Variants in DNAH12 observed in about 807,000 individuals in gnomAD.
DNAH12 encodes the protein dynein axonemal heavy chain 12, also known as axonemal beta dynein heavy chain 12.
In DNAH12, 285 loss-of-function variants were observed where a neutral mutation model predicts 371.5. The observed-to-expected ratio is 0.77, with a 90% CI of 0.70 to 0.85. DNAH12 has a LOEUF of 0.85. Among genes scored for constraint, DNAH12 ranks in the 40% least tolerant of loss-of-function variants. The probability of loss-of-function intolerance (pLI) is 0.00; values close to 1 mark genes in which losing one functional copy is unlikely to be tolerated. For missense variants in DNAH12, 3,611 were observed against 3,689.4 expected (o/e 0.98, Z 0.55); for synonymous variants, 1,200 against 1,213.0 (o/e 0.99, Z 0.22).
chr3:57,316,795 T>C (rs2153280660), intron 65 of DNAH12, among the ~76,000 whole-genome samples: 1 of 152,318 alleles, frequency 6.6e-6, no homozygotes, highest in East Asian at 1.9e-4. Context: ...TGCTGCCTTG[T>C]GAAGAAGGTG....
chr3:57,506,756 T>C (rs2067774734), intron 8 of DNAH12, among the ~76,000 whole-genome samples: 1 of 152,120 alleles, frequency 6.6e-6, no homozygotes, highest in African/African-American at 2.4e-5. Context: ...GGTGATTTTC[T>C]TTCCTGGAGA....
intron 2 of DNAH12, among the ~76,000 whole-genome samples, chr3:57,524,331 T>C (rs1293098226): frequency 6.6e-6 from 1 of 152,158 alleles, no homozygotes; most frequent in Non-Finnish European, 1.5e-5. Context: ...ACTGTTTTAT[T>C]CACTGTGGTT....
chr3:57,340,850 C>A (rs1553655831), intron 60 of DNAH12, among the ~76,000 whole-genome samples: 1 of 152,064 alleles, frequency 6.6e-6, no homozygotes, highest in East Asian at 1.9e-4. Flanking sequence ...AAAAACACAA[C>A]ATAAAAAAAC....
At chr3:57,555,724 G>C in the DNAH12 span, among the ~76,000 whole-genome samples, 3 of 152,240 alleles carry the variant, frequency 2.0e-5, no homozygotes, top group Admixed American at 1.3e-4. Flanking sequence ...TTCTCGCATA[G>C]TCTGCGCTCA....
intron 62 of DNAH12, among the ~76,000 whole-genome samples, chr3:57,327,231 G>T (rs373552440): frequency 3.3e-5 from 5 of 151,970 alleles, no homozygotes; most frequent in Middle Eastern, 3.2e-3. Context: ...TACAGAACTC[G>T]CCACCCCAAA....
chr3:57,542,734 G>C lies in DNAH12; in HGVS notation c.137C>G (p.Ser46Cys). Reference sequence around the variant, plus strand: ...ATTAATTTTCTGCTGCTGCTCCTTGGATCTTCTGTATTTTAGCAGCTTACT... The same window carrying C: ...ATTAATTTTCTGCTGCTGCTCCTTGCATCTTCTGTATTTTAGCAGCTTACT... ...TQSKLLKYRR[S>C]KEQQQKINQL... Residue 46 changes from serine (S) to cysteine (C), a missense_variant, in exon 2 of 74, where the codon TCC (serine) becomes TGC (cysteine). This residue lies in a region of DNAH12 where 1,314 missense variants were observed against 1,398.7 expected (regional missense o/e 0.94). Transcript: ENST00000495027. The C allele has an allele frequency of 2.5e-6, 4 of 1,605,964 alleles. No homozygotes were observed. Among genetic ancestry groups the C allele is most frequent in the Non-Finnish European group, 3.4e-6 (4 of 1,176,298 alleles).
At chr3:57,424,118 T>C (rs990149901) in intron 35 of DNAH12, among the ~76,000 whole-genome samples, 2 of 152,172 alleles carry the variant, frequency 1.3e-5, no homozygotes, top group South Asian at 2.1e-4. Context: ...ATTCACCTAA[T>C]GTCCAAATTT....
chr3:57,309,962 G>C (rs2061553880), intron 67 of DNAH12, 108 bp from the exon 68 acceptor site: 2 of 875,984 alleles, frequency 2.3e-6, no homozygotes, highest in African/African-American at 1.7e-5. Context: ...GGTTATGTGA[G>C]TTGAAGCCAA....
intron 2 of DNAH12, among the ~76,000 whole-genome samples, chr3:57,537,304 G>C (rs369871139): frequency 1.1e-4 from 16 of 152,226 alleles, no homozygotes; most frequent in East Asian, 5.8e-4. Context: ...GACTGGGTGA[G>C]AAACCACATG....
Position 57,507,731 on chromosome 3 carries a change from A to G in DNAH12, c.809T>C (p.Leu270Pro). 1 of 1,611,656 alleles carries G rather than the reference A, an allele frequency of 6.2e-7. No individual in the cohort carries two copies. The highest frequency in any genetic ancestry group is 1.1e-5 in the South Asian group (1 of 90,342). Residue 270 changes from leucine (L) to proline (P), a missense_variant, in exon 8 of 74, where the codon CTC (leucine) becomes CCC (proline). By Grantham distance (98) the Leu-to-Pro change is moderately conservative. Transcript: ENST00000495027. ...MNTWYPKVIN[L>P]FTKKEALEGV... ...TTCTAGTGCCTCCTTCTTGGTAAAG[A>G]GATTTATAACCTTTGGATACCATGT...
chr3:57,449,345 G>A (rs904981380), intron 25 of DNAH12, among the ~76,000 whole-genome samples: 15 of 152,242 alleles, frequency 9.9e-5, no homozygotes, highest in Admixed American at 2.0e-4. Flanking sequence ...CTGTGCGCTC[G>A]CACTCCTCAG....
intron 8 of DNAH12, 88 bp downstream of exon 8, chr3:57,507,551 ATTAC>A (rs1197524147): frequency 3.5e-6 from 3 of 866,514 alleles, no homozygotes; most frequent in Non-Finnish European, 4.9e-6. Context: ...TTTCAAAATA[ATTAC>A]TTAGCACTAT....
intron 60 of DNAH12, among the ~76,000 whole-genome samples, chr3:57,342,414 G>A (rs782141384): frequency 1.1e-4 from 16 of 149,242 alleles, no homozygotes; most frequent in Non-Finnish European, 2.1e-4. Context: ...GCTGAGGCAG[G>A]TGGATCATGA....
At chr3:57,530,597 C>T (rs2068806773) in intron 2 of DNAH12, 5 of 619,356 alleles carry the variant, frequency 8.1e-6, no homozygotes, top group Non-Finnish European at 1.5e-5. Flanking sequence ...GCTTGGCCCC[C>T]TTCTTGCAGC....
chr3:57,330,494 A>G (rs1016679966), intron 62 of DNAH12, among the ~76,000 whole-genome samples: 1 of 145,910 alleles, frequency 6.9e-6, no homozygotes, highest in African/African-American at 2.5e-5. Flanking sequence ...ATTCTCACTC[A>G]TAGGTGGGAA....
At position 57,338,766 on chromosome 3, in the gene DNAH12, G is replaced by A. The variant is rs186303952; in HGVS notation, c.9675-3826C>T. On this transcript the variant is annotated intron_variant, in intron 60 of 73. Coordinates refer to ENST00000495027, the MANE Select transcript of DNAH12 (RefSeq NM_001366028.2). ...ACCCATTGTCTGGGATGTGAGGAGC[G>A]CCTCTGCCCAGCCACCCCGTCTGGG... is the stretch of plus-strand genomic sequence containing the variant. Among the ~76,000 whole-genome samples the A allele has an allele frequency of 3.6e-3, 544 of 151,478 alleles. 4 individuals carry two copies. Among genetic ancestry groups the A allele is most frequent in the African/African-American group, 0.012 (516 of 41,286 alleles).
At chr3:57,334,999 A>C in intron 60 of DNAH12, 59 bp from the exon 61 acceptor site, 13 of 1,492,232 alleles carry the variant, frequency 8.7e-6, no homozygotes, top group Non-Finnish European at 1.1e-5. Flanking sequence ...GAATGATGTC[A>C]ACTTCCGCTT....
At chr3:57,458,074 C>G in intron 21 of DNAH12, 25 bp downstream of exon 21, 1 of 1,538,704 alleles carries the variant, frequency 6.5e-7, no homozygotes, top group Non-Finnish European at 8.8e-7. Flanking sequence ...TTTTTAATTA[C>G]AGCACAATTG....
intron 13 of DNAH12, among the ~76,000 whole-genome samples, chr3:57,478,848 A>G (rs2066631697): frequency 6.6e-6 from 1 of 152,150 alleles, no homozygotes; most frequent in African/African-American, 2.4e-5. Context: ...AAGGAGAAAT[A>G]AAATACTTTA....
Sources: gnomAD v4.1 joint callset for allele counts (sites outside exome capture counted in the v4.1 genomes callset) on GRCh38, gnomAD v4.1.1 for gene constraint, gnomAD v4.1.1 regional missense constraint, MANE v1.5 for transcripts, NCBI Gene and HGNC (gene_info 2026-07-23, HGNC 2026-07-21) for gene names.